NBEA: variants seen among roughly 807,000 people sequenced by gnomAD.
NBEA encodes the protein neurobeachin.
Under a neutral mutation model 343.4 loss-of-function variants are expected in NBEA, and 44 were observed. The observed-to-expected ratio is 0.13, with a 90% confidence interval of 0.10 to 0.16. The LOEUF is 0.16. NBEA is among the 10% of genes least tolerant of loss of function. The pLI is 1.00. For synonymous variants in NBEA, 1,175 were observed against 1,238.7 expected (o/e 0.95, Z 1.08); for missense variants, 2,555 against 3,631.3 (o/e 0.70, Z 7.62).
chr13:35,243,509 C>G (rs1368920470), intron 34 of NBEA, among the ~76,000 whole-genome samples: 1 of 151,778 alleles, frequency 6.6e-6, no homozygotes, highest in African/African-American at 2.4e-5. Context: ...TATGTGCTGT[C>G]TTTAAGAGAC....
chr13:35,040,314 T>C (rs1247750023), intron 1 of NBEA, among the ~76,000 whole-genome samples: 1 of 152,152 alleles, frequency 6.6e-6, no homozygotes, highest in East Asian at 1.9e-4. Context: ...TTTGCCATAA[T>C]GCTGAAGTTA....
At chr13:35,541,625 G>A (rs2078827869) in intron 41 of NBEA, among the ~76,000 whole-genome samples, 1 of 151,968 alleles carries the variant, frequency 6.6e-6, no homozygotes, top group Non-Finnish European at 1.5e-5. Flanking sequence ...AACAATAAAT[G>A]TGGCTTTTAG....
intron 34 of NBEA, among the ~76,000 whole-genome samples, chr13:35,257,731 T>C (rs1165749445): frequency 1.3e-5 from 2 of 152,220 alleles, no homozygotes; most frequent in Non-Finnish European, 2.9e-5. Flanking sequence ...TTTTAAAATG[T>C]GACAGACTCC....
chr13:35,369,246 T>C (rs964899218), intron 38 of NBEA, among the ~76,000 whole-genome samples: 2 of 149,904 alleles, frequency 1.3e-5, no homozygotes, highest in African/African-American at 4.9e-5. Context: ...TGTTTCTGGG[T>C]TTCCTATTCT....
chr13:35,565,747 C>A (rs1222554533), intron 44 of NBEA, among the ~76,000 whole-genome samples: 2 of 152,152 alleles, frequency 1.3e-5, no homozygotes, highest in Non-Finnish European at 2.9e-5. Flanking sequence ...CCGCAGCTTG[C>A]TCCCCTAAAC....
In NBEA at chr13:34,990,720, C is replaced by G. The variant is rs138350495; in HGVS notation, c.294+47606C>G. On this transcript the variant is annotated intron_variant, in intron 1 of 58. Coordinates refer to ENST00000379939, the MANE Select transcript of NBEA (RefSeq NM_001385012.1). ...TTTCTACATCCAGCTTGAATTCCTCCCCAGAAAATGGGCTTTTCTTTTCTC... is the reference window on the plus strand; with the variant it reads ...TTTCTACATCCAGCTTGAATTCCTCGCCAGAAAATGGGCTTTTCTTTTCTC... Among the ~76,000 whole-genome samples the G allele has an allele frequency of 2.9e-5, 4 of 138,866 alleles. No homozygotes were observed. In the East Asian group the frequency reaches 5.8e-4, roughly 20 times the overall value. The allele number at this position is 138,866 out of a possible 152,430, so 91.1% of individuals were successfully genotyped here.
At chr13:35,664,988 T>A in intron 55 of NBEA, 97 bp from the exon 56 acceptor site, 1 of 816,166 alleles carries the variant, frequency 1.2e-6, no homozygotes, top group Non-Finnish European at 2.0e-6. Context: ...ATAATGCCCT[T>A]AATAAACATG....
chr13:35,092,762 A>T (rs1018529736), intron 10 of NBEA, among the ~76,000 whole-genome samples: 1 of 152,184 alleles, frequency 6.6e-6, no homozygotes, highest in African/African-American at 2.4e-5. Context: ...CAAATGGTTC[A>T]GCCAGTCTGA....
intron 8 of NBEA, among the ~76,000 whole-genome samples, chr13:35,063,085 T>G (rs2063521648): frequency 6.6e-6 from 1 of 151,956 alleles, no homozygotes; most frequent in South Asian, 2.1e-4. Flanking sequence ...CTCTTTCAAA[T>G]GAAAGGTAAC....
chr13:35,365,493 A>T (rs1463655517), intron 38 of NBEA, among the ~76,000 whole-genome samples: 2 of 151,664 alleles, frequency 1.3e-5, no homozygotes, highest in Non-Finnish European at 3.0e-5. Context: ...GCTGCTTATT[A>T]AAATATACAT....
Position 35,118,494 on chromosome 13 carries a change from A to G in NBEA, c.2243+20A>G. On this transcript the variant is annotated intron_variant, in intron 16 of 58. Coordinates refer to ENST00000379939, the MANE Select transcript of NBEA (RefSeq NM_001385012.1). ...AATAAGGTATGATTATAATATTAGT[A>G]TTACTATTAGACTTTAATGGAGCAC... The G allele has an allele frequency of 6.6e-7, 1 of 1,524,212 alleles. No individual in the cohort carries two copies. Among genetic ancestry groups the G allele is most frequent in the South Asian group, 1.2e-5 (1 of 83,554 alleles). The allele number at this position is 1,524,212 out of a possible 1,614,324, so 94.4% of individuals were successfully genotyped here.
chr13:35,244,563 TTCCTTTTCGATTAG>T (rs1051911049), intron 34 of NBEA, among the ~76,000 whole-genome samples: 4 of 151,980 alleles, frequency 2.6e-5, no homozygotes, highest in Admixed American at 6.6e-5. Flanking sequence ...CTCCAGATTG[TTCCTTTTCGATTAG>T]TCTTGCTTTG....
chr13:35,580,431 A>G lies in NBEA; in HGVS notation c.7036-3467A>G, dbSNP rs9530736. Among the ~76,000 whole-genome samples the G allele has an allele frequency of 1.5e-3, 222 of 152,308 alleles. 1 individual carries two copies. Among genetic ancestry groups the G allele is most frequent in the Non-Finnish European group, 2.3e-3 (157 of 67,990 alleles). On this transcript the variant is annotated intron_variant, in intron 45 of 58. Transcript: ENST00000379939. ...ACCTTTTGACCAGAATTCTTACCATATTCATCTGCCAAAATCAGATGATAT... is the reference window on the plus strand; with the variant it reads ...ACCTTTTGACCAGAATTCTTACCATGTTCATCTGCCAAAATCAGATGATAT...
chr13:35,006,732 G>A (rs1176876145), intron 1 of NBEA, among the ~76,000 whole-genome samples: 3 of 152,028 alleles, frequency 2.0e-5, no homozygotes, highest in Admixed American at 6.6e-5. Flanking sequence ...AATAACAGTT[G>A]GCAGTTATTT....
intron 36 of NBEA, among the ~76,000 whole-genome samples, chr13:35,325,294 TTC>T (rs775442655): frequency 1.3e-5 from 2 of 152,014 alleles, no homozygotes; most frequent in Non-Finnish European, 2.9e-5. Context: ...CAATAAATAT[TTC>T]TTTTTAGTTT....
chr13:35,121,561 T>C (rs1460943352), intron 16 of NBEA, among the ~76,000 whole-genome samples: 1 of 151,990 alleles, frequency 6.6e-6, no homozygotes, highest in East Asian at 1.9e-4. Context: ...TCCTAAAAGT[T>C]TTGAAAATGG....
intron 1 of NBEA, among the ~76,000 whole-genome samples, chr13:34,943,433 T>C (rs991877537): frequency 3.9e-5 from 6 of 152,040 alleles, no homozygotes; most frequent in Admixed American, 2.0e-4. Flanking sequence ...AGAGTTTAGT[T>C]AGGAGGTGAG....
At chr13:35,423,060 A>T (rs2044400888) in intron 38 of NBEA, among the ~76,000 whole-genome samples, 1 of 152,094 alleles carries the variant, frequency 6.6e-6, no homozygotes, top group African/African-American at 2.4e-5. Flanking sequence ...CCTTTGTCAG[A>T]TGAGTAGGTT....
At chr13:35,562,347 A>G (rs1188857081) in intron 44 of NBEA, among the ~76,000 whole-genome samples, 1 of 152,120 alleles carries the variant, frequency 6.6e-6, no homozygotes, top group Non-Finnish European at 1.5e-5. Context: ...AATACAACCT[A>G]TGCCTTATTT....
Sources: allele counts gnomAD v4.1 joint callset (sites outside exome capture counted in the v4.1 genomes callset), GRCh38; gene constraint gnomAD v4.1.1; transcripts MANE v1.5; gene names NCBI Gene and HGNC (gene_info 2026-07-23, HGNC 2026-07-21).